Variants in SLC6A3 observed in about 807,000 individuals in gnomAD.
SLC6A3 encodes solute carrier family 6 member 3.
SLC6A3 carries 19 observed loss-of-function variants against 70.4 expected under a neutral mutation model. The ratio of observed to expected loss-of-function variants is 0.27; its 90% confidence interval spans 0.19 to 0.40. The LOEUF (loss-of-function observed/expected upper bound fraction) is 0.40. Ranked by LOEUF, SLC6A3 falls within the 10% of genes least tolerant of loss-of-function variation. The pLI is 1.00. For synonymous variants in SLC6A3, 368 were observed against 356.6 expected (o/e 1.03, Z -0.36); for missense variants, 613 against 838.5 (o/e 0.73, Z 3.32).
At chr5:1,415,966 G>C (rs1043592874) in intron 7 of SLC6A3, 132 bp downstream of exon 7, 7 of 725,672 alleles carry the variant, frequency 9.6e-6, no homozygotes, top group Admixed American at 4.0e-5. Context: ...CTGTCTGAAA[G>C]GCCACGCAGC....
intron 4 of SLC6A3, among the ~76,000 whole-genome samples, chr5:1,426,693 C>G (rs1196864739): frequency 6.6e-6 from 1 of 152,038 alleles, no homozygotes; most frequent in Non-Finnish European, 1.5e-5. Context: ...AAGGCAGTCA[C>G]AAAAAAATAA....
chr5:1,401,601 T>G lies in SLC6A3; in HGVS notation c.1768-615A>C, dbSNP rs1755852964. Among the ~76,000 whole-genome samples the G allele has an allele frequency of 6.6e-6, 1 of 152,174 alleles. No homozygotes were observed. The highest frequency in any genetic ancestry group is 1.5e-5 in the Non-Finnish European group (1 of 68,014). ...AGGTGACCTCTCACAGGGACCCCTG[T>G]GCGTGGCCCCACCCCACGTCATCAC... On this transcript the variant is annotated intron_variant, in intron 13 of 14. Coordinates refer to ENST00000270349, the MANE Select transcript of SLC6A3 (RefSeq NM_001044.5). The surrounding 1 kb of genome is among the most constrained non-coding windows in gnomAD (Gnocchi z 6.1).
chr5:1,430,668 T>C (rs565256843), intron 4 of SLC6A3, among the ~76,000 whole-genome samples: 24 of 152,302 alleles, frequency 1.6e-4, no homozygotes, highest in African/African-American at 5.8e-4. Flanking sequence ...TGATGTCTGT[T>C]GATACGGTTT....
At chr5:1,403,995 G>A (rs1755912247) in intron 12 of SLC6A3, among the ~76,000 whole-genome samples, 1 of 152,194 alleles carries the variant, frequency 6.6e-6, no homozygotes, top group African/African-American at 2.4e-5. Flanking sequence ...CTGTGTACCT[G>A]GGTCCTTCCC....
Position 1,436,666 on chromosome 5 carries a change from C to T in SLC6A3, c.419-3968G>A, listed in dbSNP as rs553446574. Among the ~76,000 whole-genome samples, 34 of 152,242 alleles carry T rather than the reference C, an allele frequency of 2.2e-4. 1 individual carries two copies. The highest frequency in any genetic ancestry group is 6.7e-4 in the African/African-American group (28 of 41,528). On this transcript the variant is annotated intron_variant, in intron 3 of 14. Transcript: ENST00000270349. The surrounding 1 kb of genome is among the most constrained non-coding windows in gnomAD (Gnocchi z 5.2). ...ACTATAAAATATTTTATATTCAATA[C>T]AATCGAATGGTGGGGTTTCCAGGGC...
intron 4 of SLC6A3, 148 bp from the exon 5 acceptor site, chr5:1,422,162 G>A: frequency 2.2e-6 from 2 of 903,652 alleles, no homozygotes; most frequent in South Asian, 1.6e-5. Context: ...TTCCAGGGAG[G>A]TCTGGCCCAC....
rs116340926 is a variant in SLC6A3, at chr5:1,394,553, C to A, written c.*182G>T. 2.3e-4 allele frequency: 167 copies of A among 719,908 alleles called. 1 individual carries two copies. In the African/African-American group the frequency reaches 2.7e-3, roughly 12 times the overall value. The allele number at this position is 719,908 out of a possible 1,614,324, so 44.6% of individuals were successfully genotyped here. A position where few individuals can be genotyped will look rare whatever the true frequency, so the allele number is the denominator to read the frequency against. ...GCAACACAAGACACGGCGAGGTGCG[C>A]TCCCGGCACGGAAAGGTGTAAACAG... On this transcript the variant is annotated 3_prime_UTR_variant, in exon 15 of 15. Transcript: ENST00000270349. The surrounding 1 kb of genome is among the most constrained non-coding windows in gnomAD (Gnocchi z 4.7).
In SLC6A3 at chr5:1,402,840, G is replaced by A. The variant is rs1447427279; in HGVS notation, c.1767+82C>T. On this transcript the variant is annotated intron_variant, in intron 13 of 14. Transcript: ENST00000270349. The surrounding 1 kb of genome is among the most constrained non-coding windows in gnomAD (Gnocchi z 8.5). ...TCTTGGTCACAGATGACCCAGGCAGGTGAGGACTGGGGCCATGGACACCCA... is the reference window on the plus strand; with the variant it reads ...TCTTGGTCACAGATGACCCAGGCAGATGAGGACTGGGGCCATGGACACCCA... The A allele has an allele frequency of 1.4e-6, 2 of 1,395,784 alleles. No individual in the cohort carries two copies. The highest frequency in any genetic ancestry group is 1.9e-5 in the Admixed American group (1 of 53,786). 86.5% of individuals were successfully genotyped at this position (1,395,784 alleles called of 1,614,324 possible).
At position 1,420,754 on chromosome 5, in the gene SLC6A3, G is replaced by A. The variant is rs763081376; in HGVS notation, c.793-51C>T. The A allele has an allele frequency of 7.5e-5, 121 of 1,606,238 alleles. No homozygotes were observed. The East Asian group carries it at 2.7e-3, about 36-fold the overall frequency. ...GCTGCACAGGCAGGGCCCTTGGTGGGAGCAGACACTGGCACAAGGGCACCG... is the reference window on the plus strand; with the variant it reads ...GCTGCACAGGCAGGGCCCTTGGTGGAAGCAGACACTGGCACAAGGGCACCG... On this transcript the variant is annotated intron_variant, in intron 5 of 14. Transcript: ENST00000270349.
At chr5:1,426,451 G>T (rs1007583041) in intron 4 of SLC6A3, among the ~76,000 whole-genome samples, 4 of 152,238 alleles carry the variant, frequency 2.6e-5, no homozygotes, top group Middle Eastern at 3.4e-3. Flanking sequence ...GAGGCAGGAG[G>T]ATTGCTTGAG....
chr5:1,409,905 T>C lies in SLC6A3; in HGVS notation c.1270-56A>G, dbSNP rs8179031. 9.8e-3 allele frequency: 15,834 copies of C among 1,608,372 alleles called. 458 individuals are homozygous for C. Among genetic ancestry groups the C allele is most frequent in the African/African-American group, 0.091 (6,838 of 74,978 alleles). On this transcript the variant is annotated intron_variant, in intron 9 of 14. Coordinates refer to ENST00000270349, the MANE Select transcript of SLC6A3 (RefSeq NM_001044.5). ...GCTGGCGGCGCTCCTGACCGCAGCC[T>C]GGGCCAAGACCTACTTGTCACCCAG...
Position 1,411,964 on chromosome 5 carries a change from A to G in SLC6A3, c.1157-609T>C, listed in dbSNP as rs1400751487. Among the ~76,000 whole-genome samples the G allele has an allele frequency of 6.6e-6, 1 of 152,200 alleles. No individual in the cohort carries two copies. The highest frequency in any genetic ancestry group is 1.9e-4 in the East Asian group (1 of 5,200). ...AACACTCATTTGTGCATTCAAACTC[A>G]TACATGCAAGAACACATCCACATGC... On this transcript the variant is annotated intron_variant, in intron 8 of 14. Coordinates refer to ENST00000270349, the MANE Select transcript of SLC6A3 (RefSeq NM_001044.5). This position sits in a 1 kb window ranked among gnomAD's most constrained non-coding sequence, Gnocchi z 6.5.
Position 1,394,513 on chromosome 5 carries a change from T to G in SLC6A3, c.*222A>C. 1.5e-6 allele frequency: 1 copy of G among 655,464 alleles called. No individual in the cohort carries two copies. The highest frequency in any genetic ancestry group is 2.2e-5 in the Admixed American group (1 of 46,170). 40.6% of individuals were successfully genotyped at this position (655,464 alleles called of 1,614,324 possible). ...CGGGGTGGACCTCGCTGCACAGATC[T>G]ACGTCGTTATTACAGCAACACAAGA... On this transcript the variant is annotated 3_prime_UTR_variant, in exon 15 of 15. Transcript: ENST00000270349. The surrounding 1 kb of genome is among the most constrained non-coding windows in gnomAD (Gnocchi z 4.7).
At chr5:1,399,008 G>A (rs574557366) in intron 14 of SLC6A3, among the ~76,000 whole-genome samples, 13 of 152,356 alleles carry the variant, frequency 8.5e-5, no homozygotes, top group Non-Finnish European at 1.8e-4. Flanking sequence ...GACAGAAGCA[G>A]AACTGTGTAT....
chr5:1,423,680 CCT>C (rs574242399), intron 4 of SLC6A3, among the ~76,000 whole-genome samples: 163 of 152,334 alleles, frequency 1.1e-3, no homozygotes, highest in African/African-American at 3.8e-3. Flanking sequence ...TCCTGGGCCC[CCT>C]GTCTGTGGGA....
Position 1,408,972 on chromosome 5 carries a change from G to A in SLC6A3, c.1498+54C>T, listed in dbSNP as rs556622482. On this transcript the variant is annotated intron_variant, in intron 11 of 14. Coordinates refer to ENST00000270349, the MANE Select transcript of SLC6A3 (RefSeq NM_001044.5). This position sits in a 1 kb window ranked among gnomAD's most constrained non-coding sequence, Gnocchi z 6.4. ...ACGGAGCCTTTTTCAGAAGGGGAGT[G>A]GCACAGCCACCAAACAAGAGGGTGC... 2 of 1,259,858 alleles carry A rather than the reference G, an allele frequency of 1.6e-6. No homozygotes were observed. The highest frequency in any genetic ancestry group is 2.9e-5 in the African/African-American group (2 of 68,218). 78.0% of individuals were successfully genotyped at this position (1,259,858 alleles called of 1,614,324 possible). A position where few individuals can be genotyped will look rare whatever the true frequency, so the allele number is the denominator to read the frequency against.
chr5:1,428,053 C>G (rs1756612303), intron 4 of SLC6A3, among the ~76,000 whole-genome samples: 1 of 151,920 alleles, frequency 6.6e-6, no homozygotes, highest in African/African-American at 2.4e-5. Flanking sequence ...CATATTCTTT[C>G]TAGGTGCATG....
At chr5:1,424,509 C>A (rs1756535274) in intron 4 of SLC6A3, among the ~76,000 whole-genome samples, 1 of 152,242 alleles carries the variant, frequency 6.6e-6, no homozygotes. Flanking sequence ...CCGCCCACGC[C>A]TTGGCAGCCT....
intron 10 of SLC6A3, 85 bp downstream of exon 10, chr5:1,409,636 G>T: frequency 6.6e-7 from 1 of 1,524,530 alleles, no homozygotes; most frequent in Non-Finnish European, 9.1e-7. Flanking sequence ...GGTTCTGTCT[G>T]GCCTGACAGT....
Sources: allele counts gnomAD v4.1 joint callset (sites outside exome capture counted in the v4.1 genomes callset), GRCh38; gene constraint gnomAD v4.1.1; non-coding constraint Gnocchi (gnomAD v3.1); transcripts MANE v1.5; gene names NCBI Gene and HGNC (gene_info 2026-07-23, HGNC 2026-07-21).